Variants in FOCAD observed in about 807,000 individuals in gnomAD.
FOCAD encodes the protein focadhesin, also known as KIAA1797.
A neutral mutation model predicts 225.6 loss-of-function variants in FOCAD; 198 were observed. The observed-to-expected ratio is 0.88, with a 90% CI of 0.78 to 0.99. The LOEUF is 0.99. Ranked by LOEUF, FOCAD falls within the 50% of genes least tolerant of loss-of-function variation. The pLI is 0.00. For missense variants in FOCAD, 2,713 were observed against 2,123.6 expected (o/e 1.28, Z -5.46); for synonymous variants, 897 against 755.0 (o/e 1.19, Z -3.08).
chr9:20,768,213 G>A lies in FOCAD; in HGVS notation c.700-1819G>A, dbSNP rs1031654268. On this transcript the variant is annotated intron_variant, in intron 7 of 43. Coordinates refer to ENST00000338382, the MANE Select transcript of FOCAD (RefSeq NM_001375567.1). ...TCTGTTTTGGTACCAGTACCATGCT[G>A]TTTTGGTGACTGTAGCCTTGTAGTA... Among the ~76,000 whole-genome samples, 3 of 149,022 alleles carry A rather than the reference G, an allele frequency of 2.0e-5. No homozygotes were observed. In the Admixed American group the frequency reaches 2.0e-4, roughly 10 times the overall value.
At chr9:20,795,440 A>G (rs1447697110) in intron 11 of FOCAD, among the ~76,000 whole-genome samples, 1 of 152,182 alleles carries the variant, frequency 6.6e-6, no homozygotes, top group Non-Finnish European at 1.5e-5. Context: ...CAGACCTGAA[A>G]TTGAAAATTA....
intron 2 of FOCAD, among the ~76,000 whole-genome samples, chr9:20,664,232 G>T (rs1244530776): frequency 6.7e-6 from 1 of 149,738 alleles, no homozygotes; most frequent in African/African-American, 2.5e-5. Context: ...ATAGTTTATA[G>T]TATTAAATTT....
chr9:20,897,934 C>T (rs189281998), intron 21 of FOCAD, among the ~76,000 whole-genome samples: 35 of 151,860 alleles, frequency 2.3e-4, no homozygotes, highest in African/African-American at 7.7e-4. Context: ...GTACGGGTAA[C>T]AGATTTTCTC....
intron 15 of FOCAD, among the ~76,000 whole-genome samples, chr9:20,850,148 TAAA>T (rs1341615955): frequency 1.3e-5 from 2 of 151,732 alleles, no homozygotes; most frequent in Non-Finnish European, 2.9e-5. Flanking sequence ...TCATAAGAAA[TAAA>T]AATAATTTTA....
At chr9:20,842,943 T>G (rs1427699643) in intron 15 of FOCAD, among the ~76,000 whole-genome samples, 2 of 151,996 alleles carry the variant, frequency 1.3e-5, no homozygotes, top group East Asian at 3.9e-4. Context: ...CAACCCATTA[T>G]TTTAAACTGA....
At chr9:20,820,522 A>C (rs1418293334) in intron 13 of FOCAD, 97 bp downstream of exon 13, 2 of 992,038 alleles carry the variant, frequency 2.0e-6, no homozygotes, top group East Asian at 5.3e-5. Context: ...GTTTAGTGGT[A>C]TTAATGAGTG....
chr9:20,716,453 C>G (rs753083801), intron 2 of FOCAD, among the ~76,000 whole-genome samples: 1 of 151,956 alleles, frequency 6.6e-6, no homozygotes, highest in Non-Finnish European at 1.5e-5. Context: ...TTTAAAAAAT[C>G]AGTTTAGGCT....
chr9:20,660,042 T>C (rs1188605424), intron 2 of FOCAD, among the ~76,000 whole-genome samples: 1 of 152,186 alleles, frequency 6.6e-6, no homozygotes, highest in Non-Finnish European at 1.5e-5. Flanking sequence ...TCAGTTTTGT[T>C]TTCAAGATAA....
chr9:20,736,969 G>A (rs1021003330), intron 4 of FOCAD, among the ~76,000 whole-genome samples: 1 of 151,840 alleles, frequency 6.6e-6, no homozygotes, highest in Non-Finnish European at 1.5e-5. Context: ...TCTATTTCAA[G>A]TGGGTTGAGG....
chr9:20,972,211 A>T (rs1237796959), intron 35 of FOCAD, among the ~76,000 whole-genome samples: 1 of 152,160 alleles, frequency 6.6e-6, no homozygotes. Context: ...ACTGTTTTAT[A>T]TAGTGGTCAC....
intron 37 of FOCAD, among the ~76,000 whole-genome samples, chr9:20,980,967 T>G (rs1587776208): frequency 6.6e-6 from 1 of 152,326 alleles, no homozygotes; most frequent in East Asian, 1.9e-4. Context: ...CCTTATTACT[T>G]CCTTATTTTT....
chr9:20,703,748 A>G (rs1020952513), intron 1 of FOCAD, among the ~76,000 whole-genome samples: 1 of 152,192 alleles, frequency 6.6e-6, no homozygotes, highest in Non-Finnish European at 1.5e-5. Flanking sequence ...ACTGTCCCAC[A>G]TGGTATTGAG....
chr9:20,909,816 G>T (rs966351090), intron 22 of FOCAD, among the ~76,000 whole-genome samples: 4 of 152,000 alleles, frequency 2.6e-5, no homozygotes, highest in Non-Finnish European at 4.4e-5. Context: ...AATAATTGGA[G>T]CAACTGCCAG....
In FOCAD at chr9:20,770,169, C is replaced by T; in HGVS notation, c.837C>T (p.Ser279=). 1 of 1,614,040 alleles carries T rather than the reference C, an allele frequency of 6.2e-7. No individual in the cohort carries two copies. The highest frequency in any genetic ancestry group is 8.5e-7 in the Non-Finnish European group (1 of 1,179,994). ...SLQLLCVSEV[S]LKITGECSSS... ...AGCTGCTGTGTGTCAGTGAAGTCAGCTTAAAGATAACTGGTGAATGTTCAT... is the reference window on the plus strand; with the variant it reads ...AGCTGCTGTGTGTCAGTGAAGTCAGTTTAAAGATAACTGGTGAATGTTCAT... The change falls in exon 8 of 44, where the codon AGC becomes AGT. Residue 279 remains serine (S), a synonymous_variant. Transcript: ENST00000338382.
At chr9:20,730,694 C>G (rs761264728) in intron 4 of FOCAD, among the ~76,000 whole-genome samples, 1 of 152,084 alleles carries the variant, frequency 6.6e-6, no homozygotes, top group Non-Finnish European at 1.5e-5. Flanking sequence ...GGACTTCTTG[C>G]CCCGGTCTTA....
chr9:20,683,542 C>G (rs1822472886), upstream of FOCAD: 1 of 152,126 alleles, frequency 6.6e-6, no homozygotes, highest in African/African-American at 2.4e-5. Flanking sequence ...GTGGGAGCCC[C>G]TGCCCCGCCC....
chr9:20,804,205 A>G (rs1213729007), intron 11 of FOCAD, among the ~76,000 whole-genome samples: 2 of 151,934 alleles, frequency 1.3e-5, no homozygotes, highest in African/African-American at 2.4e-5. Context: ...GTGACATCAT[A>G]TTGTCTTTAC....
intron 29 of FOCAD, among the ~76,000 whole-genome samples, chr9:20,946,174 A>G (rs1009433930): frequency 2.0e-5 from 3 of 152,084 alleles, no homozygotes; most frequent in Non-Finnish European, 4.4e-5. Context: ...TAGTATTCCT[A>G]TTTTATACAA....
At chr9:20,702,801 G>A (rs751335434) in intron 1 of FOCAD, among the ~76,000 whole-genome samples, 1 of 152,176 alleles carries the variant, frequency 6.6e-6, no homozygotes, top group Non-Finnish European at 1.5e-5. Flanking sequence ...TGAGGATCTC[G>A]TGGAATTAGT....
Sources: gnomAD v4.1 joint callset for allele counts (sites outside exome capture counted in the v4.1 genomes callset) on GRCh38, gnomAD v4.1.1 for gene constraint, MANE v1.5 for transcripts, NCBI Gene and HGNC (gene_info 2026-07-23, HGNC 2026-07-21) for gene names.